Variants in MEI4 observed in about 807,000 individuals in gnomAD.
MEI4 encodes meiotic double-stranded break formation protein 4.
A neutral mutation model predicts 31.4 loss-of-function variants in MEI4; 27 were observed. The observed-to-expected ratio is 0.86, with a 90% CI of 0.63 to 1.19. MEI4 has a LOEUF of 1.19. Among genes scored for constraint, MEI4 ranks in the 50% most tolerant of loss-of-function variants. The pLI, the probability that MEI4 is intolerant of heterozygous loss-of-function variation, is 0.00. For synonymous variants in MEI4, 122 were observed against 145.4 expected (o/e 0.84, Z 1.16); for missense variants, 329 against 398.9 (o/e 0.82, Z 1.49).
At chr6:77,718,505 G>A (rs1191554938) in intron 2 of MEI4, among the ~76,000 whole-genome samples, 1 of 148,404 alleles carries the variant, frequency 6.7e-6, no homozygotes, top group Non-Finnish European at 1.5e-5. Flanking sequence ...TCCTGCTACA[G>A]CAGCCGTAGC....
At chr6:77,696,850 C>T (rs1766059505) in intron 2 of MEI4, among the ~76,000 whole-genome samples, 2 of 152,182 alleles carry the variant, frequency 1.3e-5, no homozygotes, top group African/African-American at 4.8e-5. Flanking sequence ...GTACCAGCTC[C>T]TCCTAGTACC....
intron 4 of MEI4, among the ~76,000 whole-genome samples, chr6:77,914,406 GTTC>G (rs1766497065): frequency 6.6e-6 from 1 of 151,984 alleles, no homozygotes; most frequent in South Asian, 2.1e-4. Flanking sequence ...AGTTTCTAAA[GTTC>G]TTCTTTTTAC....
At chr6:77,703,974 G>T (rs1766278122) in intron 2 of MEI4, among the ~76,000 whole-genome samples, 1 of 152,100 alleles carries the variant, frequency 6.6e-6, no homozygotes, top group East Asian at 1.9e-4. Context: ...ACAGCATGCT[G>T]GTACTTTGAG....
chr6:77,743,719 C>A (rs924917129), intron 2 of MEI4, among the ~76,000 whole-genome samples: 4 of 152,218 alleles, frequency 2.6e-5, no homozygotes, highest in Non-Finnish European at 4.4e-5. Flanking sequence ...AGGCACCCCC[C>A]AGTAGGGGCA....
chr6:77,883,739 TATATAA>T (rs966216990), intron 4 of MEI4, among the ~76,000 whole-genome samples: 18 of 141,932 alleles, frequency 1.3e-4, no homozygotes, highest in African/African-American at 3.5e-4. Flanking sequence ...TATATATATA[TATATAA>T]CTTTGTCTTT....
chr6:77,823,920 G>A (rs1281378863), intron 3 of MEI4, among the ~76,000 whole-genome samples: 4 of 152,136 alleles, frequency 2.6e-5, no homozygotes, highest in Non-Finnish European at 5.9e-5. Flanking sequence ...GGTTGATGGT[G>A]CAGTGTAATA....
rs114129609 is a variant in MEI4 at position 77,670,189 on chromosome 6, C to T, written c.-15+17097C>T. ...CACATACTGGTTTGACTTCTGCTTT[C>T]GGAGAAATATTGAACATCTCTCTTC... On this transcript the variant is annotated intron_variant, in intron 1 of 4. Transcript: ENST00000684080. Among the ~76,000 whole-genome samples, 679 of 152,032 alleles carry T rather than the reference C, an allele frequency of 4.5e-3. 4 individuals are homozygous for T. The highest frequency in any genetic ancestry group is 0.016 in the African/African-American group (647 of 41,490).
chr6:77,871,035 A>G (rs1020987113), intron 4 of MEI4, among the ~76,000 whole-genome samples: 4 of 152,296 alleles, frequency 2.6e-5, no homozygotes, highest in Non-Finnish European at 4.4e-5. Context: ...TCATATTTGC[A>G]TGCTTATTTT....
At chr6:77,750,895 A>G (rs1767752777) in intron 2 of MEI4, among the ~76,000 whole-genome samples, 2 of 152,204 alleles carry the variant, frequency 1.3e-5, no homozygotes, top group African/African-American at 4.8e-5. Flanking sequence ...AGCAAATGCA[A>G]AAGAAGGGAA....
At chr6:77,874,236 A>G (rs1771273208) in intron 4 of MEI4, among the ~76,000 whole-genome samples, 1 of 152,210 alleles carries the variant, frequency 6.6e-6, no homozygotes, top group African/African-American at 2.4e-5. Flanking sequence ...CCTACCCATG[A>G]GCATGGAATG....
intron 3 of MEI4, among the ~76,000 whole-genome samples, chr6:77,790,183 C>T (rs959214173): frequency 4.8e-5 from 7 of 146,008 alleles, no homozygotes; most frequent in Non-Finnish European, 1.0e-4. Flanking sequence ...TGTTCTCACT[C>T]ACAGGTGGGA....
rs574727236 is a variant in MEI4 at position 77,867,404 on chromosome 6, A to C, written c.900+38342A>C. 2.0e-5 allele frequency among the ~76,000 whole-genome samples: 3 copies of C among 152,358 alleles called. No homozygotes were observed. In the South Asian group the frequency reaches 6.2e-4, roughly 32 times the overall value. The stretch of plus-strand genomic sequence containing the variant: ...AAATAACCCCATCAACAAGTCGGCG[A>C]AGGATATGAACAGACACTTCTCAAA... On this transcript the variant is annotated intron_variant, in intron 4 of 4. Transcript: ENST00000684080.
intron 4 of MEI4, among the ~76,000 whole-genome samples, chr6:77,894,202 T>C (rs1766027443): frequency 2.0e-5 from 3 of 152,022 alleles, no homozygotes. Flanking sequence ...TAATATCATA[T>C]ACTTGTATGA....
chr6:77,802,033 TTC>T (rs1391339572), intron 3 of MEI4, among the ~76,000 whole-genome samples: 12 of 152,306 alleles, frequency 7.9e-5, no homozygotes, highest in Non-Finnish European at 1.3e-4. Flanking sequence ...CTTGTTAACT[TTC>T]TGTCTCGTTG....
At chr6:77,834,296 A>G (rs1010481030) in intron 4 of MEI4, among the ~76,000 whole-genome samples, 39 of 151,060 alleles carry the variant, frequency 2.6e-4, no homozygotes, top group Non-Finnish European at 4.4e-4. Flanking sequence ...TATTTCTGTT[A>G]AAAATTTTCA....
intron 2 of MEI4, among the ~76,000 whole-genome samples, chr6:77,755,874 C>T (rs1245347662): frequency 6.9e-6 from 1 of 144,530 alleles, no homozygotes; most frequent in Non-Finnish European, 1.5e-5. Flanking sequence ...TCTATTAAAT[C>T]TAATGACAAA....
intron 4 of MEI4, among the ~76,000 whole-genome samples, chr6:77,903,404 A>G (rs1241900533): frequency 6.6e-6 from 1 of 152,148 alleles, no homozygotes; most frequent in Non-Finnish European, 1.5e-5. Context: ...TCCAAATGTA[A>G]TGTAATCTAA....
At chr6:77,822,240 A>C (rs1398793043) in intron 3 of MEI4, among the ~76,000 whole-genome samples, 2 of 152,176 alleles carry the variant, frequency 1.3e-5, no homozygotes, top group Non-Finnish European at 2.9e-5. Context: ...GGCTTCATCT[A>C]ACAGGACAAC....
chr6:77,876,142 T>C (rs574333798), intron 4 of MEI4, among the ~76,000 whole-genome samples: 2 of 152,334 alleles, frequency 1.3e-5, no homozygotes, highest in South Asian at 2.1e-4. Flanking sequence ...ATAGTTTCTT[T>C]ATCTATATGA....
Sources: gnomAD v4.1 joint callset for allele counts (sites outside exome capture counted in the v4.1 genomes callset) on GRCh38, gnomAD v4.1.1 for gene constraint, MANE v1.5 for transcripts, NCBI Gene and HGNC (gene_info 2026-07-23, HGNC 2026-07-21) for gene names.